Variants in USH2A observed in about 807,000 individuals in gnomAD.
USH2A encodes usherin.
USH2A carries 443 observed loss-of-function variants against 538.9 expected under a neutral mutation model. That is an observed-to-expected ratio of 0.82 (90% CI 0.76 to 0.89). The LOEUF (loss-of-function observed/expected upper bound fraction) is 0.89. Ranked by LOEUF, USH2A falls within the 40% of genes least tolerant of loss-of-function variation. USH2A has a pLI of 0.00. For missense variants in USH2A, 6,633 were observed against 6,324.8 expected (o/e 1.05, Z -1.65); for synonymous variants, 2,413 against 2,273.5 (o/e 1.06, Z -1.75).
chr1:216,100,543 T>A (rs2032553064), intron 21 of USH2A, among the ~76,000 whole-genome samples: 1 of 152,168 alleles, frequency 6.6e-6, no homozygotes, highest in Non-Finnish European at 1.5e-5. Context: ...ATAAAACCTA[T>A]TCCTATAAAA....
At chr1:215,672,757 A>G (rs1461857137) in intron 63 of USH2A, among the ~76,000 whole-genome samples, 1 of 152,230 alleles carries the variant, frequency 6.6e-6, no homozygotes, top group East Asian at 1.9e-4. Context: ...ATGAACTCCA[A>G]CTTCATATAG....
At chr1:215,875,239 A>G (rs1254319474) in intron 43 of USH2A, among the ~76,000 whole-genome samples, 1 of 152,028 alleles carries the variant, frequency 6.6e-6, no homozygotes, top group African/African-American at 2.4e-5. Flanking sequence ...AGAAAAAGAG[A>G]TTCTTATAAA....
chr1:215,694,463 C>T (rs1215964438), intron 61 of USH2A, among the ~76,000 whole-genome samples: 1 of 152,150 alleles, frequency 6.6e-6, no homozygotes, highest in African/African-American at 2.4e-5. Context: ...GTCCCAGCTA[C>T]TCGGGAGGCT....
rs115712528 is a variant in USH2A, at chr1:215,816,767, C to A, written c.9570+230G>T. ...CAATCAAATAAAATTTGGGATGTAC[C>A]CTATTCTAATAAGTTTATATTTCTT... On this transcript the variant is annotated intron_variant, in intron 48 of 71. Coordinates refer to ENST00000307340, the MANE Select transcript of USH2A (RefSeq NM_206933.4). 9.5e-3 allele frequency among the ~76,000 whole-genome samples: 1,440 copies of A among 151,888 alleles called. 11 individuals carry two copies. Among genetic ancestry groups the A allele is most frequent in the Non-Finnish European group, 0.016 (1,112 of 67,942 alleles).
chr1:215,802,028 T>C (rs1254337623), intron 49 of USH2A, among the ~76,000 whole-genome samples: 2 of 139,376 alleles, frequency 1.4e-5, no homozygotes, highest in Non-Finnish European at 3.2e-5. Flanking sequence ...AAAGGACCTT[T>C]TTTTTTTTTT....
At chr1:216,405,778 G>C (rs1323827469) in intron 3 of USH2A, among the ~76,000 whole-genome samples, 2 of 152,194 alleles carry the variant, frequency 1.3e-5, no homozygotes, top group East Asian at 3.9e-4. Context: ...AATTAACCTA[G>C]ATGTCCTTCA....
At chr1:216,135,159 CT>C (rs2033457653) in intron 21 of USH2A, among the ~76,000 whole-genome samples, 1 of 123,446 alleles carries the variant, frequency 8.1e-6, no homozygotes, top group Non-Finnish European at 1.7e-5. Context: ...CTCTCTCTCT[CT>C]CTCTCTCACA....
At chr1:216,098,291 A>C (rs1021638422) in intron 21 of USH2A, among the ~76,000 whole-genome samples, 2 of 152,282 alleles carry the variant, frequency 1.3e-5, no homozygotes, top group Admixed American at 6.5e-5. Flanking sequence ...GTTTAGTTGA[A>C]AATATTAAAT....
chr1:215,666,956 T>G (rs1248844549), intron 64 of USH2A, among the ~76,000 whole-genome samples: 1 of 151,964 alleles, frequency 6.6e-6, no homozygotes, highest in African/African-American at 2.4e-5. Context: ...CTGGGCGTGG[T>G]GGTGTGTGCC....
chr1:216,041,710 T>C (rs533129383), intron 32 of USH2A, among the ~76,000 whole-genome samples: 11 of 152,228 alleles, frequency 7.2e-5, no homozygotes, highest in Middle Eastern at 6.8e-3. Flanking sequence ...CTCAAAATTA[T>C]TCCTTACCCC....
intron 67 of USH2A, among the ~76,000 whole-genome samples, chr1:215,644,515 C>T (rs372154295): frequency 4.0e-5 from 6 of 151,864 alleles, no homozygotes; most frequent in East Asian, 3.9e-4. Context: ...ATTTGGGCAG[C>T]GGAAGAAGAT....
intron 4 of USH2A, among the ~76,000 whole-genome samples, chr1:216,363,618 T>A (rs966052262): frequency 3.3e-5 from 5 of 152,014 alleles, no homozygotes; most frequent in African/African-American, 1.2e-4. Flanking sequence ...TATAAATATA[T>A]GTGGATATAT....
In USH2A at chr1:216,251,109, T is replaced by TA. The variant is rs2102552104; in HGVS notation, c.1972-12dup. 1.9e-6 allele frequency: 3 copies of TA among 1,613,664 alleles called. No individual in the cohort carries two copies. The highest frequency in any genetic ancestry group is 2.5e-6 in the Non-Finnish European group (3 of 1,179,822). On this transcript the variant is annotated splice_polypyrimidine_tract_variant and intron_variant, in intron 11 of 71. Coordinates refer to ENST00000307340, the MANE Select transcript of USH2A (RefSeq NM_206933.4). ...ACACTGTCCTCCAATCTAGAGAAGA[T>TA]ACAACATTTTGTAGAATGATGAACG...
rs529342412 is a variant in USH2A, at chr1:215,825,710, C to A, written c.9372-8515G>T. Among the ~76,000 whole-genome samples the A allele has an allele frequency of 2.0e-5, 3 of 152,192 alleles. No individual in the cohort carries two copies. In the South Asian group the frequency reaches 6.2e-4, roughly 32 times the overall value. On this transcript the variant is annotated intron_variant, in intron 47 of 71. Coordinates refer to ENST00000307340, the MANE Select transcript of USH2A (RefSeq NM_206933.4). ...CAATCATTTATGTAACACTCAAGTT[C>A]TTCAATATTATTCCAGATCATGGTT...
rs570738647 is a variant in USH2A, at chr1:216,214,553, A to T, written c.3157+2834T>A. Among the ~76,000 whole-genome samples, 3 of 152,184 alleles carry T rather than the reference A, an allele frequency of 2.0e-5. No individual in the cohort carries two copies. In the East Asian group the frequency reaches 5.8e-4, roughly 29 times the overall value. Reference sequence around the variant, plus strand: ...TTGTTTGGGGCTAGAGGTGGGAGTCATGATTGACTGGAAATGGGCACAAAG... The same window carrying T: ...TTGTTTGGGGCTAGAGGTGGGAGTCTTGATTGACTGGAAATGGGCACAAAG... On this transcript the variant is annotated intron_variant, in intron 15 of 71. Coordinates refer to ENST00000307340, the MANE Select transcript of USH2A (RefSeq NM_206933.4).
At chr1:216,192,027 T>C (rs2034726418) in intron 19 of USH2A, among the ~76,000 whole-genome samples, 1 of 152,096 alleles carries the variant, frequency 6.6e-6, no homozygotes, top group Admixed American at 6.6e-5. Context: ...TTTGTCTTTA[T>C]CATGTACATA....
chr1:215,710,065 G>A (rs191346115), intron 61 of USH2A, among the ~76,000 whole-genome samples: 1 of 152,300 alleles, frequency 6.6e-6, no homozygotes, highest in Admixed American at 6.5e-5. Context: ...TGCTGTATTG[G>A]GAAGGAATCA....
chr1:215,624,748 G>A lies in USH2A; in HGVS notation c.*1033C>T, dbSNP rs1019851638. The stretch of plus-strand genomic sequence containing the variant: ...TAATGGCTAGTTCTCCAAAAAGAAG[G>A]GATATAGTGCAGAGTAATATATACA... On this transcript the variant is annotated 3_prime_UTR_variant, in exon 72 of 72. Coordinates refer to ENST00000307340, the MANE Select transcript of USH2A (RefSeq NM_206933.4). 2.0e-5 allele frequency: 3 copies of A among 151,952 alleles called. No homozygotes were observed. The highest frequency in any genetic ancestry group is 7.3e-5 in the African/African-American group (3 of 41,364). 9.4% of individuals were successfully genotyped at this position (151,952 alleles called of 1,614,324 possible).
intron 4 of USH2A, among the ~76,000 whole-genome samples, chr1:216,343,393 A>G (rs2038113889): frequency 6.8e-6 from 1 of 147,066 alleles, no homozygotes; most frequent in Non-Finnish European, 1.5e-5. Context: ...AAAAAAAATT[A>G]GCCAGGCATG....
Sources: allele counts gnomAD v4.1 joint callset (sites outside exome capture counted in the v4.1 genomes callset), GRCh38; gene constraint gnomAD v4.1.1; transcripts MANE v1.5; gene names NCBI Gene and HGNC (gene_info 2026-07-23, HGNC 2026-07-21).